The following MYH13 variants were observed in gnomAD, a reference collection of about 807,000 sequenced individuals.
MYH13 encodes myosin-13.
Under a neutral mutation model 232.1 loss-of-function variants are expected in MYH13, and 177 were observed. The observed-to-expected ratio is 0.76, with a 90% CI of 0.67 to 0.86. The LOEUF (loss-of-function observed/expected upper bound fraction) is 0.86, where lower values mean the gene tolerates loss of function less well. Ranked by LOEUF, MYH13 falls within the 40% of genes least tolerant of loss-of-function variation. The pLI is 0.00. For synonymous variants in MYH13, 884 were observed against 923.5 expected, an observed-to-expected ratio of 0.96 and a Z score of 0.78; for missense variants, 2,246 against 2,405.9, an observed-to-expected ratio of 0.93 and a Z score of 1.39.
chr17:10,355,638 G>A (rs1597388285), intron 8 of MYH13, among the ~76,000 whole-genome samples: 1 of 152,190 alleles, frequency 6.6e-6, no homozygotes, highest in East Asian at 1.9e-4. Context: ...AAGGACTCAG[G>A]TAGCTCTACC....
intron 23 of MYH13, 61 bp downstream of exon 23, chr17:10,323,961 C>T (rs1228145302): frequency 1.3e-6 from 2 of 1,592,702 alleles, no homozygotes; most frequent in Middle Eastern, 3.4e-4. Context: ...CTTTCTCCTC[C>T]TTACAGAGAG....
intron 23 of MYH13, among the ~76,000 whole-genome samples, chr17:10,322,832 A>G (rs1349877041): frequency 6.6e-6 from 1 of 151,862 alleles, no homozygotes; most frequent in Non-Finnish European, 1.5e-5. Flanking sequence ...ACGGGGTTTC[A>G]CCATGTTAGC....
chr17:10,301,144 C>T (rs118057431), intron 40 of MYH13, among the ~76,000 whole-genome samples, 179 bp from the exon 41 acceptor site: 76 of 152,320 alleles, frequency 5.0e-4, no homozygotes, highest in Non-Finnish European at 9.0e-4. Flanking sequence ...ACAGGACAAA[C>T]GCCCTGCAAA....
intron 23 of MYH13, among the ~76,000 whole-genome samples, chr17:10,323,787 A>AGAAG (rs1305383879): frequency 7.5e-4 from 50 of 66,730 alleles, no homozygotes; most frequent in African/African-American, 3.0e-3. Flanking sequence ...AAAAAAAAAA[A>AGAAG]AAGAAGAAGA....
intron 11 of MYH13, among the ~76,000 whole-genome samples, chr17:10,352,543 C>G (rs1014684661): frequency 6.6e-6 from 1 of 151,848 alleles, no homozygotes; most frequent in Non-Finnish European, 1.5e-5. Flanking sequence ...GAGCCGAGAT[C>G]GCACCACTGC....
At position 10,320,385 on chromosome 17, in the gene MYH13, T is replaced by C. The variant is rs1906895562; in HGVS notation, c.3223A>G (p.Asn1075Asp). 6.2e-7 allele frequency: 1 copy of C among 1,612,554 alleles called. No homozygotes were observed. The part of the protein sequence containing the change: ...MSQESIMDLE[N>D]DKQQIEEKLK... ...TTCTCTTCTATTTGCTGCTTGTCATTTTCTAGATCCATAATGGATTCCTGG... is the reference window on the plus strand; with the variant it reads ...TTCTCTTCTATTTGCTGCTTGTCATCTTCTAGATCCATAATGGATTCCTGG... The change falls in exon 25 of 41, where the codon AAT becomes GAT. Residue 1075 changes from asparagine (N) to aspartate (D), a missense_variant. Physicochemically the swap from Asn to Asp is conservative, Grantham distance 23. Coordinates refer to ENST00000252172, the MANE Select transcript of MYH13 (RefSeq NM_003802.3).
intron 16 of MYH13, among the ~76,000 whole-genome samples, chr17:10,342,588 TA>T (rs2071626614): frequency 6.6e-6 from 1 of 152,220 alleles, no homozygotes; most frequent in African/African-American, 2.4e-5. Flanking sequence ...AAATGTGATA[TA>T]TTCATACAAT....
intron 12 of MYH13, 57 bp downstream of exon 12, chr17:10,350,499 T>G (rs2071700145): frequency 6.4e-7 from 1 of 1,572,884 alleles, no homozygotes; most frequent in Admixed American, 1.9e-5. Flanking sequence ...TCACACGGCC[T>G]CGCCCGCACA....
intron 26 of MYH13, 40 bp downstream of exon 26, chr17:10,320,108 CTTGCA>C: frequency 6.8e-7 from 1 of 1,475,476 alleles, no homozygotes; most frequent in Non-Finnish European, 9.3e-7. Flanking sequence ...GAGGGGCGCT[CTTGCA>C]AAGGGATTGT....
chr17:10,332,467 C>T (rs578007173), intron 19 of MYH13, among the ~76,000 whole-genome samples: 9 of 152,200 alleles, frequency 5.9e-5, no homozygotes, highest in South Asian at 2.1e-4. Context: ...GAGTGCATGG[C>T]GGGAAGTTTG....
chr17:10,315,999 C>T lies in MYH13; in HGVS notation c.3765G>A (p.Thr1255=), dbSNP rs777770519. Residue 1255 remains threonine, a synonymous_variant, in exon 28 of 41, where the codon ACG becomes ACA. Coordinates refer to ENST00000252172, the MANE Select transcript of MYH13 (RefSeq NM_003802.3). ...SKSNIERTCR[T]VEDQFSEIKA... ...TGATTTCACTAAATTGATCTTCTACCGTCCGGCACGTTCTTTCTATGTTAC... is the reference window on the plus strand; with the variant it reads ...TGATTTCACTAAATTGATCTTCTACTGTCCGGCACGTTCTTTCTATGTTAC... The T allele has an allele frequency of 1.4e-5, 22 of 1,613,976 alleles. No homozygotes were observed. In the Admixed American group the frequency reaches 2.0e-4, roughly 15 times the overall value.
At chr17:10,309,091 T>C in intron 35 of MYH13, 143 bp downstream of exon 35, 2 of 773,734 alleles carry the variant, frequency 2.6e-6, no homozygotes, top group Non-Finnish European at 3.9e-6. Flanking sequence ...AAAATTTGTC[T>C]TGACCACTAG....
chr17:10,369,550 T>C (rs1464309834), intron 2 of MYH13, among the ~76,000 whole-genome samples: 2 of 152,222 alleles, frequency 1.3e-5, no homozygotes, highest in African/African-American at 4.8e-5. Context: ...AACATGGCTA[T>C]TGCAAAACTT....
intron 27 of MYH13, among the ~76,000 whole-genome samples, chr17:10,317,183 G>A (rs1380195044): frequency 6.6e-6 from 1 of 152,174 alleles, no homozygotes; most frequent in Non-Finnish European, 1.5e-5. Flanking sequence ...GGGGGATGCT[G>A]GAGGCCCTTC....
rs777663218 is a variant in MYH13, at chr17:10,332,128, G to A, written c.2269C>T (p.Arg757Trp). 52 of 1,613,818 alleles carry A rather than the reference G, an allele frequency of 3.2e-5. No individual in the cohort carries two copies. The highest frequency in any genetic ancestry group is 6.7e-5 in the East Asian group (3 of 44,882). The change falls in exon 20 of 41, where the codon CGG (arginine) becomes TGG (tryptophan). Residue 757 changes from arginine to tryptophan, a missense_variant. Physicochemically the swap from Arg to Trp is moderately radical, Grantham distance 101. Transcript: ENST00000252172. Reference sequence around the variant, plus strand: ...GTGTTGCCGAACCTGAACTGCTCCCGGTCCACATCGATGGAGTTGAGGAGC... The same window carrying A: ...GTGTTGCCGAACCTGAACTGCTCCCAGTCCACATCGATGGAGTTGAGGAGC... Reference protein sequence around the residue: ...EKLLNSIDVDREQFRFGNTKV... With the variant: ...EKLLNSIDVDWEQFRFGNTKV...
rs752142614 is a variant in MYH13 at position 10,343,784 on chromosome 17, A to G, written c.1894+16T>C. 14 of 1,568,778 alleles carry G rather than the reference A, an allele frequency of 8.9e-6. No individual in the cohort carries two copies. On this transcript the variant is annotated intron_variant, in intron 16 of 40. Coordinates refer to ENST00000252172, the MANE Select transcript of MYH13 (RefSeq NM_003802.3). The stretch of plus-strand genomic sequence containing the variant: ...ATAGAACGTCCCACAGAGGGAAAGA[A>G]ATGATAGAATTTTACCTGTCTCTGC...
In MYH13 at chr17:10,355,082, A is replaced by T. The variant is rs2142268527; in HGVS notation, c.802+2T>A. 6.2e-7 allele frequency: 1 copy of T among 1,603,056 alleles called. No homozygotes were observed. Among genetic ancestry groups the T allele is most frequent in the Non-Finnish European group, 8.5e-7 (1 of 1,174,084 alleles). ...ACGGATTTATAGAGTGTTTGGACTC[A>T]CAAGTTTCGATGTCTGCCGATGCCA... On this transcript the variant is annotated splice_donor_variant, in intron 9 of 40. Coordinates refer to ENST00000252172, the MANE Select transcript of MYH13 (RefSeq NM_003802.3). LOFTEE classifies it high-confidence loss of function.
rs74932163 is a variant in MYH13 at position 10,358,039 on chromosome 17, T to C, written c.646-212A>G. On this transcript the variant is annotated intron_variant, in intron 7 of 40. Coordinates refer to ENST00000252172, the MANE Select transcript of MYH13 (RefSeq NM_003802.3). ...TAGACAGGTTCTTATTAGCATAGCA[T>C]TGAAGTGACTTCTGGTCATGCCAGG... Among the ~76,000 whole-genome samples, 122 of 152,112 alleles carry C rather than the reference T, an allele frequency of 8.0e-4. 2 individuals are homozygous for C. In the East Asian group the frequency reaches 0.021, roughly 26 times the overall value.
chr17:10,311,597 T>C (rs1385333948), intron 32 of MYH13, among the ~76,000 whole-genome samples: 1 of 152,202 alleles, frequency 6.6e-6, no homozygotes, highest in African/African-American at 2.4e-5. Context: ...TCTGAGGTCC[T>C]AAGGGATTCA....
Sources: gnomAD v4.1 joint callset for allele counts (sites outside exome capture counted in the v4.1 genomes callset) on GRCh38, gnomAD v4.1.1 for gene constraint, MANE v1.5 for transcripts, NCBI Gene and HGNC (gene_info 2026-07-23, HGNC 2026-07-21) for gene names.